MAGI2: variants seen among roughly 807,000 people sequenced by gnomAD.
The protein encoded by MAGI2 is membrane-associated guanylate kinase, WW and PDZ domain-containing protein 2.
MAGI2 carries 35 observed loss-of-function variants against 133.3 expected under a neutral mutation model. The ratio of observed to expected loss-of-function variants is 0.26; its 90% CI spans 0.20 to 0.35. The LOEUF is 0.35. Ranked by LOEUF, MAGI2 falls within the 10% of genes least tolerant of loss-of-function variation. The pLI, the probability that MAGI2 is intolerant of heterozygous loss-of-function variation, is 1.00. For synonymous variants in MAGI2, 729 were observed against 710.6 expected (o/e 1.03, Z -0.41); for missense variants, 1,636 against 1,863.4 (o/e 0.88, Z 2.25).
chr7:78,343,957 T>A lies in MAGI2; in HGVS notation c.1229A>T (p.Lys410Ile). The stretch of plus-strand genomic sequence containing the variant: ...GGATGCATCCCGGGTGAAGAGTGGT[T>A]TTTCTACATTGGCCAATATAAGTTA... Reference protein sequence around the residue: ...KPLQAPGFREKPLFTRDASQL... With the variant: ...KPLQAPGFREIPLFTRDASQL... Residue 410 changes from lysine (K) to isoleucine (I), a missense_variant, in exon 9 of 22, where the codon AAA becomes ATA. Coordinates refer to ENST00000354212, the MANE Select transcript of MAGI2 (RefSeq NM_012301.4). 6.2e-6 allele frequency: 10 copies of A among 1,606,312 alleles called. No homozygotes were observed. Among genetic ancestry groups the A allele is most frequent in the African/African-American group, 1.3e-5 (1 of 74,304 alleles).
chr7:78,350,937 G>A (rs543795300), intron 7 of MAGI2, among the ~76,000 whole-genome samples: 6 of 152,142 alleles, frequency 3.9e-5, no homozygotes, highest in East Asian at 1.9e-4. Context: ...GTGCATAGTC[G>A]TGGATGACAC....
chr7:78,496,877 C>T (rs541916418), intron 5 of MAGI2, among the ~76,000 whole-genome samples: 44 of 152,020 alleles, frequency 2.9e-4, no homozygotes, highest in Non-Finnish European at 4.9e-4. Flanking sequence ...TAGAATGATT[C>T]CCAGGACATA....
intron 1 of MAGI2, among the ~76,000 whole-genome samples, chr7:79,387,129 T>TGTGTGTGTG (rs1563176235): frequency 1.1e-4 from 17 of 151,464 alleles, no homozygotes; most frequent in South Asian, 2.1e-4. Context: ...TGTGTGTGTG[T>TGTGTGTGTG]TAACATTAAC....
chr7:78,548,398 A>G (rs1021042301), intron 3 of MAGI2, among the ~76,000 whole-genome samples: 4 of 152,202 alleles, frequency 2.6e-5, no homozygotes, highest in Non-Finnish European at 1.5e-5. Context: ...ATGTATTTTA[A>G]GATTGCTTTC....
intron 6 of MAGI2, among the ~76,000 whole-genome samples, chr7:78,417,427 C>T (rs1430966019): frequency 1.3e-5 from 2 of 152,044 alleles, no homozygotes; most frequent in Non-Finnish European, 2.9e-5. Context: ...CCCTGAGCTG[C>T]CTTTATCCCT....
At chr7:79,282,361 A>G (rs777929060) in intron 1 of MAGI2, among the ~76,000 whole-genome samples, 2 of 152,096 alleles carry the variant, frequency 1.3e-5, no homozygotes, top group Non-Finnish European at 2.9e-5. Flanking sequence ...GCGGGCTGTG[A>G]TGGCTTTGGA....
chr7:79,153,449 C>T (rs1463712076), intron 1 of MAGI2, among the ~76,000 whole-genome samples: 1 of 152,116 alleles, frequency 6.6e-6, no homozygotes, highest in Non-Finnish European at 1.5e-5. Context: ...GAAGGCAAAC[C>T]TACTGGAGTC....
intron 3 of MAGI2, among the ~76,000 whole-genome samples, chr7:78,612,160 C>T (rs1806521294): frequency 1.3e-5 from 2 of 151,916 alleles, no homozygotes; most frequent in African/African-American, 4.8e-5. Flanking sequence ...GAGTTATAAA[C>T]ATTTACATGA....
chr7:78,582,815 T>C (rs572526921), intron 3 of MAGI2, among the ~76,000 whole-genome samples: 27 of 152,286 alleles, frequency 1.8e-4, no homozygotes, highest in African/African-American at 6.3e-4. Flanking sequence ...GGAAGGGGAA[T>C]AGAAAATACA....
chr7:78,797,234 C>G (rs1242274566), intron 2 of MAGI2, among the ~76,000 whole-genome samples: 1 of 152,022 alleles, frequency 6.6e-6, no homozygotes, highest in East Asian at 1.9e-4. Context: ...ATCAAAATAT[C>G]ATATGTACCC....
At chr7:78,398,711 C>T (rs895103430) in intron 6 of MAGI2, among the ~76,000 whole-genome samples, 1 of 151,924 alleles carries the variant, frequency 6.6e-6, no homozygotes, top group East Asian at 1.9e-4. Flanking sequence ...AAGGTAGGAG[C>T]CTAACTTTCC....
chr7:78,374,846 AT>A lies in MAGI2; in HGVS notation c.1046-5634del, dbSNP rs536175501. On this transcript the variant is annotated intron_variant, in intron 6 of 21. Transcript: ENST00000354212. ...TATATTCTTCTTTTACATTGTGTTG[AT>A]TTTTTTTTTTGAGACAGAGTCTCGC... is the stretch of plus-strand genomic sequence containing the variant. Among the ~76,000 whole-genome samples, 799 of 148,662 alleles carry A rather than the reference AT, an allele frequency of 5.4e-3. 7 individuals carry two copies. Among genetic ancestry groups the A allele is most frequent in the East Asian group, 0.018 (91 of 5,106 alleles).
At chr7:79,100,804 G>A (rs1817910675) in intron 1 of MAGI2, among the ~76,000 whole-genome samples, 2 of 151,572 alleles carry the variant, frequency 1.3e-5, no homozygotes, top group Non-Finnish European at 2.9e-5. Flanking sequence ...TAGTGTCTTA[G>A]TTATTTCCAA....
At chr7:78,436,563 CCAAA>C (rs1442258229) in intron 6 of MAGI2, among the ~76,000 whole-genome samples, 1 of 152,064 alleles carries the variant, frequency 6.6e-6, no homozygotes, top group Non-Finnish European at 1.5e-5. Context: ...TTTTAAAAAC[CCAAA>C]CAAACAAAAA....
At chr7:78,092,290 G>A (rs1227350273) in intron 20 of MAGI2, among the ~76,000 whole-genome samples, 1 of 152,190 alleles carries the variant, frequency 6.6e-6, no homozygotes, top group African/African-American at 2.4e-5. Context: ...TTGACAATGA[G>A]TGCATGGATT....
rs848947 is a variant in MAGI2, at chr7:79,356,429, T to C, written c.301+96591A>G. ...CTTCTGCAGTGTTTGCTCTCTAAAA[T>C]TTAAACATTAATGAAGAAAAACAGA... On this transcript the variant is annotated intron_variant, in intron 1 of 21. Transcript: ENST00000354212. Among the ~76,000 whole-genome samples, 301 of 152,240 alleles carry C rather than the reference T, an allele frequency of 2.0e-3. 3 individuals are homozygous for C. The highest frequency in any genetic ancestry group is 7.0e-3 in the African/African-American group (292 of 41,562).
At chr7:78,871,672 T>C (rs1309204948) in intron 2 of MAGI2, among the ~76,000 whole-genome samples, 2 of 152,114 alleles carry the variant, frequency 1.3e-5, no homozygotes, top group East Asian at 3.9e-4. Flanking sequence ...GAGGAAAGGA[T>C]AGGGATATCA....
chr7:78,515,596 A>G (rs1795967540), intron 4 of MAGI2, among the ~76,000 whole-genome samples: 1 of 152,134 alleles, frequency 6.6e-6, no homozygotes, highest in Non-Finnish European at 1.5e-5. Flanking sequence ...AGGCAAACAG[A>G]AAAATAAAAA....
intron 1 of MAGI2, among the ~76,000 whole-genome samples, chr7:79,345,677 A>C (rs1450192629): frequency 2.0e-5 from 3 of 152,134 alleles, no homozygotes; most frequent in Non-Finnish European, 4.4e-5. Flanking sequence ...AAGAATTATG[A>C]AGAAGAAAAA....
Sources: gnomAD v4.1 joint callset for allele counts (sites outside exome capture counted in the v4.1 genomes callset) on GRCh38, gnomAD v4.1.1 for gene constraint, MANE v1.5 for transcripts, NCBI Gene and HGNC (gene_info 2026-07-23, HGNC 2026-07-21) for gene names.